Variants in KITLG observed in about 807,000 individuals in gnomAD.
The protein encoded by KITLG is KIT ligand, also known as c-Kit ligand.
Under a neutral mutation model 34.1 loss-of-function variants are expected in KITLG, and 13 were observed. The observed-to-expected ratio is 0.38, with a 90% CI of 0.25 to 0.61. KITLG has a LOEUF of 0.61. KITLG is among the 20% of genes least tolerant of loss of function. KITLG has a pLI of 0.60. For synonymous variants in KITLG, 110 were observed against 104.0 expected (o/e 1.06, Z -0.35); for missense variants, 292 against 318.9 (o/e 0.92, Z 0.64).
At chr12:88,523,173 A>G (rs573444646) in intron 3 of KITLG, among the ~76,000 whole-genome samples, 3 of 152,202 alleles carry the variant, frequency 2.0e-5, no homozygotes, top group African/African-American at 4.8e-5. Flanking sequence ...TGCTTTCAGC[A>G]TCTACCTCTG....
chr12:88,526,863 CTTTTTTTTTTTT>C (rs10532642), intron 3 of KITLG, among the ~76,000 whole-genome samples: 1 of 79,982 alleles, frequency 1.3e-5, no homozygotes, highest in African/African-American at 4.1e-5. Flanking sequence ...TCAGTATAGT[CTTTTTTTTTTTT>C]TTTTTTTTTT....
chr12:88,527,524 C>T (rs969301750), intron 3 of KITLG, among the ~76,000 whole-genome samples: 2 of 152,178 alleles, frequency 1.3e-5, no homozygotes, highest in Non-Finnish European at 2.9e-5. Flanking sequence ...TTAGCTGTGC[C>T]TTTAAAAAGT....
intron 1 of KITLG, among the ~76,000 whole-genome samples, chr12:88,552,846 A>G (rs1336008718): frequency 2.6e-5 from 4 of 152,214 alleles, no homozygotes. Context: ...ACTTCAAACA[A>G]GTCAGCTAAT....
chr12:88,523,486 C>T (rs1022299941), intron 3 of KITLG, among the ~76,000 whole-genome samples: 5 of 152,190 alleles, frequency 3.3e-5, no homozygotes, highest in Non-Finnish European at 5.9e-5. Context: ...CACGATTCTT[C>T]GGCTCAATTA....
At chr12:88,502,236 A>T (rs1021895349) in intron 9 of KITLG, among the ~76,000 whole-genome samples, 6 of 152,198 alleles carry the variant, frequency 3.9e-5, no homozygotes, top group African/African-American at 1.4e-4. Context: ...TGGCTTCTTT[A>T]ACCTGGCTAA....
intron 6 of KITLG, among the ~76,000 whole-genome samples, chr12:88,511,168 T>C (rs1379078818): frequency 1.3e-5 from 2 of 152,206 alleles, no homozygotes; most frequent in Non-Finnish European, 2.9e-5. Context: ...CGGGATTGAA[T>C]AGGTATTTTA....
chr12:88,511,727 T>C (rs1221367447), intron 6 of KITLG, among the ~76,000 whole-genome samples: 1 of 152,130 alleles, frequency 6.6e-6, no homozygotes, highest in East Asian at 1.9e-4. Flanking sequence ...GTAGAGGCCC[T>C]AGCAGACACA....
Position 88,580,385 on chromosome 12 carries a change from G to A in KITLG, c.-107C>T, listed in dbSNP as rs1287362968. The A allele has an allele frequency of 7.8e-7, 1 of 1,285,804 alleles. No individual in the cohort carries two copies. Among genetic ancestry groups the A allele is most frequent in the Middle Eastern group, 1.8e-4 (1 of 5,478 alleles). The allele number at this position is 1,285,804 out of a possible 1,614,324, so 79.6% of individuals were successfully genotyped here. A position where few individuals can be genotyped will look rare whatever the true frequency, so the allele number is the denominator to read the frequency against. Reference sequence around the variant, plus strand: ...CGAACAGCGGCGGCAGATAGTCCACGCATTGGGTAGCCCGAGCGCAGCGCC... The same window carrying A: ...CGAACAGCGGCGGCAGATAGTCCACACATTGGGTAGCCCGAGCGCAGCGCC... On this transcript the variant is annotated 5_prime_UTR_variant, in exon 1 of 10. Transcript: ENST00000644744.
chr12:88,519,733 C>T (rs1321173350), intron 3 of KITLG, among the ~76,000 whole-genome samples: 1 of 151,966 alleles, frequency 6.6e-6, no homozygotes, highest in Non-Finnish European at 1.5e-5. Context: ...AGTGATCTTC[C>T]CACTTCAGCC....
intron 1 of KITLG, among the ~76,000 whole-genome samples, chr12:88,562,641 C>T (rs1033418123): frequency 2.0e-5 from 3 of 152,148 alleles, no homozygotes; most frequent in Non-Finnish European, 2.9e-5. Context: ...CAAATAGTGA[C>T]GATTAGCTAA....
At chr12:88,500,065 A>G (rs917215088) in intron 9 of KITLG, among the ~76,000 whole-genome samples, 1 of 152,120 alleles carries the variant, frequency 6.6e-6, no homozygotes, top group African/African-American at 2.4e-5. Context: ...CCCTTTCTCA[A>G]ACCGATGCTC....
Position 88,507,084 on chromosome 12 carries a change from AT to A in KITLG, c.657del (p.Leu220CysfsTer8). 1 of 1,613,938 alleles carries A rather than the reference AT, an allele frequency of 6.2e-7. No homozygotes were observed. The highest frequency in any genetic ancestry group is 8.5e-7 in the Non-Finnish European group (1 of 1,179,816). On this transcript the variant is annotated frameshift_variant, in exon 7 of 10. Transcript: ENST00000644744. LOFTEE classifies it high-confidence loss of function. Reference sequence around the variant, plus strand: ...ATTATAAGAGAAAACAATGCTGGCAATGCCATGGCTGCCCAGTGTAGGCTGG... The same window carrying A: ...ATTATAAGAGAAAACAATGCTGGCAAGCCATGGCTGCCCAGTGTAGGCTGG... Reference protein sequence around the residue: ...GDSSLHWAAMALPALFSLIIG... With the variant: ...GDSSLHWAAMXLPALFSLIIG...
rs1443215901 is a variant in KITLG at position 88,495,795 on chromosome 12, T to C, written c.*1424A>G. Reference sequence around the variant, plus strand: ...AAGATTAAGTTAGAATGGAAAGCTTTGGATTCCTTTATGTGTACATTCAAG... The same window carrying C: ...AAGATTAAGTTAGAATGGAAAGCTTCGGATTCCTTTATGTGTACATTCAAG... On this transcript the variant is annotated 3_prime_UTR_variant, in exon 10 of 10. Coordinates refer to ENST00000644744, the MANE Select transcript of KITLG (RefSeq NM_000899.5). 1 of 152,212 alleles carries C rather than the reference T, an allele frequency of 6.6e-6. No individual in the cohort carries two copies. Among genetic ancestry groups the C allele is most frequent in the Non-Finnish European group, 1.5e-5 (1 of 68,014 alleles). The allele number at this position is 152,212 out of a possible 1,614,324, so 9.4% of individuals were successfully genotyped here.
chr12:88,565,678 C>T (rs1326213514), intron 1 of KITLG, among the ~76,000 whole-genome samples: 1 of 152,082 alleles, frequency 6.6e-6, no homozygotes, highest in Non-Finnish European at 1.5e-5. Flanking sequence ...AAAATGTCAA[C>T]AGTACTAATA....
chr12:88,558,322 C>T (rs1233926428), intron 1 of KITLG, among the ~76,000 whole-genome samples: 4 of 151,910 alleles, frequency 2.6e-5, no homozygotes, highest in African/African-American at 9.7e-5. Context: ...CCACCCCTCA[C>T]GACCCGCCAC....
intron 9 of KITLG, among the ~76,000 whole-genome samples, chr12:88,499,978 C>G (rs565272061): frequency 2.6e-5 from 4 of 152,304 alleles, no homozygotes; most frequent in African/African-American, 9.6e-5. Flanking sequence ...TTGTCACCCA[C>G]ATCTTTCCTA....
chr12:88,564,286 G>A (rs1169926869), intron 1 of KITLG: 1 of 152,204 alleles, frequency 6.6e-6, no homozygotes, highest in Non-Finnish European at 1.5e-5. Context: ...AGAAAAGGGG[G>A]AGAGTGGGTA....
At chr12:88,506,806 G>T (rs147122630) in intron 7 of KITLG, among the ~76,000 whole-genome samples, 143 of 152,162 alleles carry the variant, frequency 9.4e-4, no homozygotes, top group Non-Finnish European at 1.9e-3. Flanking sequence ...TTTAGTTCAG[G>T]CTATTAACAC....
In KITLG at chr12:88,532,454, C is replaced by G. The variant is rs748273972; in HGVS notation, c.179G>C (p.Gly60Ala). 8.7e-6 allele frequency: 14 copies of G among 1,610,280 alleles called. No individual in the cohort carries two copies. Among genetic ancestry groups the G allele is most frequent in the African/African-American group, 1.3e-5 (1 of 74,774 alleles). ...DYMITLKYVP[G>A]MDVLPSHCWI... is the part of the protein sequence containing the mutation. ...TAGTTTACATACCAAAACATCCATCCCGGGGACATATTTGAGGGTTATCAT... is the reference window on the plus strand; with the variant it reads ...TAGTTTACATACCAAAACATCCATCGCGGGGACATATTTGAGGGTTATCAT... The change falls in exon 3 of 10, where the codon GGG (glycine) becomes GCG (alanine). Residue 60 changes from glycine to alanine, a missense_variant. Physicochemically the swap from Gly to Ala is moderately conservative, Grantham distance 60. This residue lies in a region of KITLG where 152 missense variants were observed against 207.9 expected (regional missense o/e 0.73). Transcript: ENST00000644744.
Sources: gnomAD v4.1 joint callset for allele counts (sites outside exome capture counted in the v4.1 genomes callset) on GRCh38, gnomAD v4.1.1 for gene constraint, gnomAD v4.1.1 regional missense constraint, MANE v1.5 for transcripts, NCBI Gene and HGNC (gene_info 2026-07-23, HGNC 2026-07-21) for gene names.